Variants in YWHAZ observed in about 807,000 individuals in gnomAD.
The protein encoded by YWHAZ is 14-3-3 protein zeta/delta.
For synonymous variants in YWHAZ, 87 were observed against 103.6 expected, an observed-to-expected ratio of 0.84 and a Z score of 0.97; for missense variants, 79 against 284.8, an observed-to-expected ratio of 0.28 and a Z score of 5.20.
chr8:100,934,384 A>T (rs1257579779), intron 2 of YWHAZ, among the ~76,000 whole-genome samples: 1 of 150,982 alleles, frequency 6.6e-6, no homozygotes, highest in Non-Finnish European at 1.5e-5. Flanking sequence ...CCCAAATAAT[A>T]GAATACTATA....
At chr8:100,941,533 C>T (rs753177048) in intron 2 of YWHAZ, among the ~76,000 whole-genome samples, 1 of 152,102 alleles carries the variant, frequency 6.6e-6, no homozygotes, top group Admixed American at 6.5e-5. Flanking sequence ...GACTGTAATC[C>T]CAGCACTTTG....
intron 2 of YWHAZ, among the ~76,000 whole-genome samples, chr8:100,941,593 C>T (rs550559649): frequency 4.0e-5 from 6 of 151,842 alleles, no homozygotes; most frequent in East Asian, 1.9e-4. Context: ...AAGACCAGCC[C>T]GGCCAACATG....
At chr8:100,923,064 T>C (rs1813140089) in intron 5 of YWHAZ, 2 of 152,168 alleles carry the variant, frequency 1.3e-5, no homozygotes, top group Admixed American at 1.3e-4. Context: ...CACTAGCATA[T>C]AGAACTGGTT....
At position 100,948,381 on chromosome 8, in the gene YWHAZ, CTG is replaced by C. The variant is rs1810463493; in HGVS notation, c.294+213_294+214del. On this transcript the variant is annotated intron_variant, in intron 2 of 5. Transcript: ENST00000395958. The surrounding 1 kb of genome is among the most constrained non-coding windows in gnomAD (Gnocchi z 4.2). ...CTAAAGTCTGTTATTTTTAACAAAA[CTG>C]AACTGTTTCATAATCATTGTTGCAA... Among the ~76,000 whole-genome samples the C allele has an allele frequency of 6.6e-6, 1 of 152,150 alleles. No homozygotes were observed. The highest frequency in any genetic ancestry group is 2.1e-4 in the South Asian group (1 of 4,828).
At chr8:100,943,194 C>A (rs1445851428) in intron 2 of YWHAZ, among the ~76,000 whole-genome samples, 1 of 152,178 alleles carries the variant, frequency 6.6e-6, no homozygotes, top group Non-Finnish European at 1.5e-5. Context: ...TATATTGAAA[C>A]TGACAGCAGT....
chr8:100,936,494 AAC>A (rs1429178860), intron 2 of YWHAZ, among the ~76,000 whole-genome samples: 2 of 152,144 alleles, frequency 1.3e-5, no homozygotes, highest in African/African-American at 4.8e-5. Flanking sequence ...TCTCACCAAA[AAC>A]TGGCAACCTA....
At chr8:100,951,696 CGGCGCCGG>C (rs1810800740) in intron 1 of YWHAZ, 1 of 985,280 alleles carries the variant, frequency 1.0e-6, no homozygotes, top group Admixed American at 6.1e-5. Flanking sequence ...GAGCACCGAT[CGGCGCCGG>C]GGCGTCGATG....
chr8:100,937,045 T>C (rs534519977), intron 2 of YWHAZ, among the ~76,000 whole-genome samples: 46 of 152,206 alleles, frequency 3.0e-4, no homozygotes, highest in Non-Finnish European at 6.5e-4. Flanking sequence ...TAAATTTAAT[T>C]AAGATTATAG....
intron 5 of YWHAZ, chr8:100,923,452 C>G (rs1012770923): frequency 6.6e-6 from 1 of 152,246 alleles, no homozygotes; most frequent in African/African-American, 2.4e-5. Flanking sequence ...GTTGATGTTC[C>G]TGGTGTGATA....
intron 1 of YWHAZ, 47 bp downstream of exon 1, chr8:100,951,882 C>G (rs1026075703): frequency 1.0e-6 from 1 of 990,526 alleles, no homozygotes; most frequent in Admixed American, 6.1e-5. Context: ...GTTCGGAAGG[C>G]TGGCCTGGGA....
At chr8:100,938,974 T>TC (rs1814409372) in intron 2 of YWHAZ, among the ~76,000 whole-genome samples, 1 of 152,218 alleles carries the variant, frequency 6.6e-6, no homozygotes. Context: ...ATAAATAAGG[T>TC]CATCTATAAG....
At chr8:100,926,266 T>C (rs879123420) in intron 2 of YWHAZ, among the ~76,000 whole-genome samples, 5 of 151,900 alleles carry the variant, frequency 3.3e-5, no homozygotes, top group East Asian at 3.9e-4. Flanking sequence ...TAGGGCCAGA[T>C]TGCACTGTGC....
chr8:100,941,591 C>T (rs1013490909), intron 2 of YWHAZ, among the ~76,000 whole-genome samples: 2 of 152,204 alleles, frequency 1.3e-5, no homozygotes, highest in East Asian at 3.9e-4. Context: ...TCAAGACCAG[C>T]CCGGCCAACA....
rs1810436203 is a variant in YWHAZ at position 100,948,033 on chromosome 8, T to C, written c.294+563A>G. On this transcript the variant is annotated intron_variant, in intron 2 of 5. Coordinates refer to ENST00000395958, the MANE Select transcript of YWHAZ (RefSeq NM_145690.3). This position sits in a 1 kb window ranked among gnomAD's most constrained non-coding sequence, Gnocchi z 4.2. ...TTCAAACTGGAAAATCAAGCTTGAGTTGTTCATAACCTTTCATCATGGTTG... is the reference window on the plus strand; with the variant it reads ...TTCAAACTGGAAAATCAAGCTTGAGCTGTTCATAACCTTTCATCATGGTTG... The C allele has an allele frequency of 7.1e-7, 1 of 1,409,208 alleles. No individual in the cohort carries two copies. The highest frequency in any genetic ancestry group is 9.6e-7 in the Non-Finnish European group (1 of 1,041,392). The allele number at this position is 1,409,208 out of a possible 1,614,324, so 87.3% of individuals were successfully genotyped here.
intron 5 of YWHAZ, 95 bp from the exon 6 acceptor site, chr8:100,920,847 T>C (rs956569924): frequency 3.2e-5 from 31 of 970,774 alleles, no homozygotes; most frequent in Non-Finnish European, 4.9e-5. Flanking sequence ...AATGTTTTAG[T>C]TGGAAAGCAT....
Position 100,924,851 on chromosome 8 carries a change from TC to T in YWHAZ, c.418+64del, listed in dbSNP as rs1813253382. The T allele has an allele frequency of 6.2e-7, 1 of 1,600,486 alleles. No individual in the cohort carries two copies. The highest frequency in any genetic ancestry group is 1.3e-5 in the African/African-American group (1 of 74,414). ...TTCAAAACAAGACATTATGTACGCT[TC>T]AGAGACTCTTCCTCACTATGTTATC... On this transcript the variant is annotated intron_variant, in intron 3 of 5. Coordinates refer to ENST00000395958, the MANE Select transcript of YWHAZ (RefSeq NM_145690.3). This position sits in a 1 kb window ranked among gnomAD's most constrained non-coding sequence, Gnocchi z 5.7.
At chr8:100,947,367 C>A (rs1196322738) in intron 2 of YWHAZ, among the ~76,000 whole-genome samples, 1 of 151,824 alleles carries the variant, frequency 6.6e-6, no homozygotes, top group Non-Finnish European at 1.5e-5. Context: ...CTTTTTTCAA[C>A]TTAGATACAA....
intron 2 of YWHAZ, among the ~76,000 whole-genome samples, chr8:100,929,054 AAAG>A (rs1442180290): frequency 5.3e-5 from 8 of 152,360 alleles, no homozygotes; most frequent in East Asian, 1.9e-4. Context: ...GGAGATTCAT[AAAG>A]AAGATGTCAT....
intron 1 of YWHAZ, chr8:100,951,409 A>C: frequency 2.1e-6 from 2 of 956,676 alleles, no homozygotes; most frequent in Non-Finnish European, 2.5e-6. Flanking sequence ...CGCGAGGGGG[A>C]GGGAAAGGAG....
Sources: gnomAD v4.1 joint callset for allele counts (sites outside exome capture counted in the v4.1 genomes callset) on GRCh38, gnomAD v4.1.1 for gene constraint, Gnocchi (gnomAD v3.1) non-coding constraint, MANE v1.5 for transcripts, NCBI Gene and HGNC (gene_info 2026-07-23, HGNC 2026-07-21) for gene names.